Variants in FGD4 observed in about 807,000 individuals in gnomAD.
FGD4 encodes the protein FYVE, RhoGEF and PH domain-containing protein 4.
FGD4 carries 42 observed loss-of-function variants against 102.0 expected under a neutral mutation model. That is an observed-to-expected ratio of 0.41 (90% confidence interval 0.32 to 0.53). The LOEUF (loss-of-function observed/expected upper bound fraction) is 0.53, where lower values mean the gene tolerates loss of function less well. FGD4 is among the 20% of genes least tolerant of loss of function. The pLI is 0.21. For missense variants in FGD4, 902 were observed against 1,078.2 expected, an observed-to-expected ratio of 0.84 and a Z score of 2.29; for synonymous variants, 380 against 375.7, an observed-to-expected ratio of 1.01 and a Z score of -0.13.
intron 1 of FGD4, among the ~76,000 whole-genome samples, chr12:32,432,205 G>T (rs536236356): frequency 6.6e-6 from 1 of 151,732 alleles, no homozygotes; most frequent in African/African-American, 2.4e-5. Flanking sequence ...GACTACAGGC[G>T]CCCACCACCA....
intron 1 of FGD4, among the ~76,000 whole-genome samples, chr12:32,473,410 G>T (rs1378746478): frequency 6.6e-6 from 1 of 151,980 alleles, no homozygotes; most frequent in Non-Finnish European, 1.5e-5. Flanking sequence ...GGAGCCCACT[G>T]GGGGGAAGGA....
At chr12:32,536,576 T>A (rs1291289975) in intron 1 of FGD4, among the ~76,000 whole-genome samples, 1 of 152,242 alleles carries the variant, frequency 6.6e-6, no homozygotes, top group African/African-American at 2.4e-5. Flanking sequence ...GTGTGTTCTC[T>A]GATTTATCTC....
chr12:32,564,369 A>G lies in FGD4; in HGVS notation c.319+80A>G, dbSNP rs534491902. ...CTAACCAGAAAAATGATGGCCACAAAGAAAGTGTTTTAAGCTAGAAGGAAG... is the reference window on the plus strand; with the variant it reads ...CTAACCAGAAAAATGATGGCCACAAGGAAAGTGTTTTAAGCTAGAAGGAAG... On this transcript the variant is annotated intron_variant, in intron 2 of 16. Transcript: ENST00000534526. 8.6e-5 allele frequency: 127 copies of G among 1,474,420 alleles called. No individual in the cohort carries two copies. The African/African-American group carries it at 1.7e-3, about 20-fold the overall frequency. 91.3% of individuals were successfully genotyped at this position (1,474,420 alleles called of 1,614,324 possible). A position where few individuals can be genotyped will look rare whatever the true frequency, so the allele number is the denominator to read the frequency against.
intron 1 of FGD4, among the ~76,000 whole-genome samples, chr12:32,473,232 C>G (rs1451499692): frequency 2.0e-5 from 3 of 152,000 alleles, no homozygotes; most frequent in Admixed American, 6.6e-5. Flanking sequence ...GCTGCCCGAG[C>G]CAGCATTGGC....
intron 4 of FGD4, among the ~76,000 whole-genome samples, chr12:32,583,303 C>G (rs1946759200): frequency 6.6e-6 from 1 of 151,986 alleles, no homozygotes; most frequent in Non-Finnish European, 1.5e-5. Flanking sequence ...TGCCACTGCA[C>G]GCCAGCCAGG....
chr12:32,530,941 GTTTTT>G (rs768536136), intron 1 of FGD4, among the ~76,000 whole-genome samples: 10 of 70,478 alleles, frequency 1.4e-4, no homozygotes, highest in East Asian at 1.0e-3. Flanking sequence ...CCTAGCTTTG[GTTTTT>G]TTTTTTTTTT....
At chr12:32,438,312 G>A (rs1206379895) in intron 1 of FGD4, among the ~76,000 whole-genome samples, 1 of 152,172 alleles carries the variant, frequency 6.6e-6, no homozygotes, top group Non-Finnish European at 1.5e-5. Flanking sequence ...GAGCGGACTT[G>A]GGATAACAGT....
At chr12:32,580,579 G>GAATCCTAGATTAA (rs1403850590) in intron 3 of FGD4, among the ~76,000 whole-genome samples, 1 of 151,966 alleles carries the variant, frequency 6.6e-6, no homozygotes, top group Non-Finnish European at 1.5e-5. Context: ...CCCACTCCCA[G>GAATCCTAGATTAA]AATCCTAGAT....
intron 15 of FGD4, among the ~76,000 whole-genome samples, chr12:32,636,149 G>A (rs1346405190): frequency 2.0e-5 from 3 of 152,012 alleles, no homozygotes; most frequent in Non-Finnish European, 4.4e-5. Context: ...AAGTGGTCGC[G>A]TAAAAAAACA....
intron 2 of FGD4, among the ~76,000 whole-genome samples, chr12:32,566,808 C>G (rs539506915): frequency 6.6e-6 from 1 of 152,160 alleles, no homozygotes; most frequent in African/African-American, 2.4e-5. Context: ...ATTATCACCC[C>G]CGACACCTTT....
At position 32,486,193 on chromosome 12, in the gene FGD4, A is replaced by T. The variant is rs920255779; in HGVS notation, c.167-77944A>T. The T allele has an allele frequency of 8.1e-5, 122 of 1,511,140 alleles. 1 individual carries two copies. In the East Asian group the frequency reaches 2.9e-3, roughly 36 times the overall value. 93.6% of individuals were successfully genotyped at this position (1,511,140 alleles called of 1,614,324 possible). A position where few individuals can be genotyped will look rare whatever the true frequency, so the allele number is the denominator to read the frequency against. ...TTTCTGAAATATCTCAGGTTAAAACATTTGGATTTTTTCACTATGCAAAGT... is the reference window on the plus strand; with the variant it reads ...TTTCTGAAATATCTCAGGTTAAAACTTTTGGATTTTTTCACTATGCAAAGT... On this transcript the variant is annotated intron_variant, in intron 1 of 16. Transcript: ENST00000534526.
intron 1 of FGD4, among the ~76,000 whole-genome samples, chr12:32,529,033 C>G (rs947611058): frequency 2.6e-5 from 4 of 152,176 alleles, no homozygotes; most frequent in Non-Finnish European, 5.9e-5. Flanking sequence ...CAAAAATATT[C>G]AAGCAACAGG....
chr12:32,589,126 A>G (rs886766963), intron 4 of FGD4, among the ~76,000 whole-genome samples: 3 of 152,236 alleles, frequency 2.0e-5, no homozygotes, highest in African/African-American at 7.2e-5. Flanking sequence ...GGTATAGATC[A>G]TGTACTAGTT....
intron 1 of FGD4, among the ~76,000 whole-genome samples, chr12:32,464,310 G>T (rs1012439246): frequency 1.3e-5 from 2 of 151,938 alleles, no homozygotes; most frequent in Admixed American, 1.3e-4. Flanking sequence ...GCACCACTTC[G>T]CCCGGCTAAT....
chr12:32,582,598 A>C (rs1469704494), intron 4 of FGD4, 131 bp downstream of exon 4: 1 of 1,211,770 alleles, frequency 8.3e-7, no homozygotes, highest in Non-Finnish European at 1.2e-6. Flanking sequence ...ACGATTTTCA[A>C]GCTCTGGCTG....
intron 4 of FGD4, among the ~76,000 whole-genome samples, chr12:32,597,515 G>C (rs1283231950): frequency 6.6e-6 from 1 of 152,162 alleles, no homozygotes; most frequent in African/African-American, 2.4e-5. Flanking sequence ...TGTCAAAGTA[G>C]TAATAAATGT....
At chr12:32,512,597 G>A (rs146151885) in intron 1 of FGD4, among the ~76,000 whole-genome samples, 2 of 152,288 alleles carry the variant, frequency 1.3e-5, no homozygotes, top group East Asian at 3.9e-4. Context: ...TGTCAGGGTA[G>A]TGGTTTCATC....
intron 1 of FGD4, among the ~76,000 whole-genome samples, chr12:32,416,675 C>T (rs1278150402): frequency 6.6e-6 from 1 of 151,928 alleles, no homozygotes; most frequent in Admixed American, 6.6e-5. Flanking sequence ...TTTCTCCTCC[C>T]CTTTTAACTT....
At chr12:32,469,603 A>G (rs1377094254) in intron 1 of FGD4, among the ~76,000 whole-genome samples, 1 of 150,334 alleles carries the variant, frequency 6.7e-6, no homozygotes, top group Non-Finnish European at 1.5e-5. Flanking sequence ...TTTAAAGACA[A>G]CATAGTATTT....
Sources: allele counts gnomAD v4.1 joint callset (sites outside exome capture counted in the v4.1 genomes callset), GRCh38; gene constraint gnomAD v4.1.1; transcripts MANE v1.5; gene names NCBI Gene and HGNC (gene_info 2026-07-23, HGNC 2026-07-21).